The following CASK variants were observed in gnomAD, a reference collection of about 807,000 sequenced individuals.
CASK encodes the protein calcium/calmodulin dependent serine protein kinase.
Under a neutral mutation model 82.9 loss-of-function variants are expected in CASK, and 4 were observed. The observed-to-expected ratio is 0.05, with a 90% CI of 0.02 to 0.11. The LOEUF is 0.11. CASK is among the 10% of genes least tolerant of loss of function. The pLI, the probability that CASK is intolerant of heterozygous loss-of-function variation, is 1.00. For synonymous variants in CASK, 259 were observed against 253.5 expected (o/e 1.02, Z -0.20); for missense variants, 358 against 720.9 (o/e 0.50, Z 5.76).
intron 1 of CASK, among the ~76,000 whole-genome samples, chrX:41,884,067 T>TC (rs1284348326): frequency 8.9e-6 from 1 of 111,866 alleles, no homozygotes; most frequent in Non-Finnish European, 1.9e-5. Context: ...ACAGAGTTCT[T>TC]CAAGGATGCT....
At chrX:41,770,313 T>TACCTATCCATCC (rs1242733681) in intron 3 of CASK, among the ~76,000 whole-genome samples, 47 of 95,902 alleles carry the variant, frequency 4.9e-4, no homozygotes, top group African/African-American at 1.7e-3. Flanking sequence ...CCTACCTACC[T>TACCTATCCATCC]ATCCATCCAT....
intron 9 of CASK, among the ~76,000 whole-genome samples, chrX:41,631,953 C>CA (rs1478789888): frequency 9.1e-6 from 1 of 110,455 alleles, no homozygotes; most frequent in Non-Finnish European, 1.9e-5. Flanking sequence ...ATTTTTGAGA[C>CA]AGAGTCTTAC....
intron 5 of CASK, among the ~76,000 whole-genome samples, chrX:41,717,367 G>A (rs1380969379): frequency 8.9e-6 from 1 of 112,201 alleles, no homozygotes; most frequent in Non-Finnish European, 1.9e-5. Flanking sequence ...GAATGGGAGT[G>A]GACTGAGGGG....
chrX:41,828,432 A>C (rs2070715120), intron 2 of CASK, among the ~76,000 whole-genome samples: 1 of 111,720 alleles, frequency 9.0e-6, no homozygotes, highest in Non-Finnish European at 1.9e-5. Context: ...GTGGGGATCC[A>C]GGAGAAACTT....
chrX:41,714,225 T>C (rs2068026798), intron 5 of CASK, among the ~76,000 whole-genome samples: 1 of 111,552 alleles, frequency 9.0e-6, no homozygotes, highest in African/African-American at 3.3e-5. Context: ...AGAAGTTATG[T>C]CTCCTTTACC....
At chrX:41,641,643 T>C (rs1446958006) in intron 8 of CASK, among the ~76,000 whole-genome samples, 1 of 112,214 alleles carries the variant, frequency 8.9e-6, no homozygotes, top group African/African-American at 3.2e-5. Context: ...TTTTTTGATG[T>C]GAAATAAGTG....
chrX:41,836,528 T>C (rs942977138), intron 2 of CASK, among the ~76,000 whole-genome samples: 11 of 108,323 alleles, frequency 1.0e-4, no homozygotes, highest in African/African-American at 3.3e-4. Flanking sequence ...CAAAAAATAT[T>C]GCACATTTAT....
chrX:41,789,197 G>A (rs1048352732), intron 2 of CASK, among the ~76,000 whole-genome samples: 2 of 111,875 alleles, frequency 1.8e-5, no homozygotes, highest in African/African-American at 6.5e-5. Flanking sequence ...GTGAGGAAAA[G>A]CCTACAGGAT....
chrX:41,642,243 T>A (rs961230910), intron 8 of CASK, among the ~76,000 whole-genome samples: 7 of 111,840 alleles, frequency 6.3e-5, no homozygotes, highest in Non-Finnish European at 5.6e-5. Context: ...TGATTTATAA[T>A]CCTTTGGTTA....
rs59931187 is a variant in CASK at position 41,818,145 on chromosome X, CTGTGTGTGTGTGTG to C, written c.173-30876_173-30863del. Among the ~76,000 whole-genome samples, 263 of 85,420 alleles carry C rather than the reference CTGTGTGTGTGTGTG, an allele frequency of 3.1e-3. 1 individual carries two copies. The highest frequency in any genetic ancestry group is 0.017 in the Middle Eastern group (3 of 172). The allele number at this position is 85,420 out of a possible 115,157, so 74.2% of individuals were successfully genotyped here. Reference sequence around the variant, plus strand: ...CCCAATAAAAATCCCAGGAGGCCTTCTGTGTGTGTGTGTGTGTGTGTGTGTGTGTGTGTGTGTGT... The same window carrying C: ...CCCAATAAAAATCCCAGGAGGCCTTCTGTGTGTGTGTGTGTGTGTGTGTGT... On this transcript the variant is annotated intron_variant, in intron 2 of 26. Coordinates refer to ENST00000378163, the MANE Select transcript of CASK (RefSeq NM_001367721.1).
intron 5 of CASK, 83 bp downstream of exon 5, chrX:41,739,301 A>G: frequency 1.5e-6 from 1 of 647,160 alleles, no homozygotes; most frequent in Non-Finnish European, 2.5e-6. Context: ...CTTTATGACA[A>G]TATTAAAGAA....
chrX:41,536,542 A>C (rs1170600269), intron 22 of CASK, among the ~76,000 whole-genome samples: 1 of 112,097 alleles, frequency 8.9e-6, no homozygotes, highest in Non-Finnish European at 1.9e-5. Context: ...ATGCAAAATA[A>C]GATACTTGGG....
intron 2 of CASK, among the ~76,000 whole-genome samples, chrX:41,792,950 A>G: frequency 9.0e-6 from 1 of 111,541 alleles, no homozygotes; most frequent in Non-Finnish European, 1.9e-5. Context: ...TTTAATTCTT[A>G]TCCTCTCCTG....
intron 24 of CASK, among the ~76,000 whole-genome samples, chrX:41,534,445 T>C (rs1442944087): frequency 2.8e-5 from 3 of 107,449 alleles, no homozygotes; most frequent in Non-Finnish European, 5.8e-5. Context: ...TTTATACACA[T>C]ATCTGTACTA....
chrX:41,711,857 G>A (rs1195058185), intron 5 of CASK, among the ~76,000 whole-genome samples: 5 of 112,015 alleles, frequency 4.5e-5, no homozygotes, highest in African/African-American at 1.3e-4. Context: ...GGGGCCACCC[G>A]TGTCCCCTCT....
intron 3 of CASK, among the ~76,000 whole-genome samples, chrX:41,752,976 G>A (rs1396498896): frequency 8.9e-6 from 1 of 112,052 alleles, no homozygotes; most frequent in African/African-American, 3.2e-5. Context: ...GTTTATCACA[G>A]CTATTTATAA....
intron 5 of CASK, among the ~76,000 whole-genome samples, chrX:41,719,663 C>T (rs965113592): frequency 1.8e-5 from 2 of 111,981 alleles, no homozygotes; most frequent in Non-Finnish European, 1.9e-5. Context: ...TATAAGCTGA[C>T]GTGTCCACCC....
intron 5 of CASK, among the ~76,000 whole-genome samples, chrX:41,703,979 T>C (rs1227160080): frequency 3.6e-5 from 4 of 111,640 alleles, no homozygotes; most frequent in African/African-American, 1.3e-4. Flanking sequence ...CATATACTTT[T>C]TGCTCATTCA....
At chrX:41,829,742 T>C (rs867441655) in intron 2 of CASK, among the ~76,000 whole-genome samples, 20 of 37,464 alleles carry the variant, frequency 5.3e-4, no homozygotes, top group Non-Finnish European at 8.9e-4. Context: ...TATATATATA[T>C]ATATATATAT....
Sources: gnomAD v4.1 joint callset for allele counts (sites outside exome capture counted in the v4.1 genomes callset) on GRCh38, gnomAD v4.1.1 for gene constraint, MANE v1.5 for transcripts, NCBI Gene and HGNC (gene_info 2026-07-23, HGNC 2026-07-21) for gene names.